FGF13: variants seen among roughly 807,000 people sequenced by gnomAD.
FGF13 encodes fibroblast growth factor 13.
FGF13 carries 2 observed loss-of-function variants against 19.5 expected under a neutral mutation model. That is an observed-to-expected ratio of 0.10 (90% confidence interval 0.04 to 0.32). The LOEUF (loss-of-function observed/expected upper bound fraction) is 0.32. FGF13 is among the 10% of genes least tolerant of loss of function. The pLI is 1.00. For synonymous variants in FGF13, 72 were observed against 76.9 expected (o/e 0.94, Z 0.33); for missense variants, 113 against 192.7 (o/e 0.59, Z 2.45).
At chrX:138,722,365 A>G (rs2090153281) in intron 1 of FGF13, among the ~76,000 whole-genome samples, 1 of 111,825 alleles carries the variant, frequency 8.9e-6, no homozygotes, top group Admixed American at 9.5e-5. Context: ...AATTGAATCC[A>G]AACTTGAATT....
chrX:139,034,910 T>A (rs1043463569), intron 1 of FGF13, among the ~76,000 whole-genome samples: 1 of 112,042 alleles, frequency 8.9e-6, no homozygotes, highest in Non-Finnish European at 1.9e-5. Context: ...AATGTTTTCA[T>A]AATAACAACA....
intron 1 of FGF13, among the ~76,000 whole-genome samples, chrX:139,124,221 T>C (rs2083698809): frequency 8.9e-6 from 1 of 112,713 alleles, no homozygotes; most frequent in African/African-American, 3.2e-5. Flanking sequence ...GTCAGTCTTG[T>C]CTGTTCAGTG....
intron 3 of FGF13, among the ~76,000 whole-genome samples, chrX:138,651,945 A>G (rs1328442385): frequency 9.0e-6 from 1 of 111,302 alleles, no homozygotes; most frequent in Non-Finnish European, 1.9e-5. Context: ...ATTAATTTAC[A>G]ATATAAAGCA....
At chrX:139,047,024 C>G (rs1342887787) in intron 1 of FGF13, among the ~76,000 whole-genome samples, 1 of 112,067 alleles carries the variant, frequency 8.9e-6, no homozygotes, top group African/African-American at 3.3e-5. Flanking sequence ...CAGCATTCTC[C>G]TGGTTCAATC....
intron 1 of FGF13, among the ~76,000 whole-genome samples, chrX:139,023,390 T>C (rs901501789): frequency 9.0e-6 from 1 of 111,147 alleles, no homozygotes; most frequent in Non-Finnish European, 1.9e-5. Flanking sequence ...AATGTATTCT[T>C]AGCTTGTAGG....
intron 1 of FGF13, among the ~76,000 whole-genome samples, chrX:139,186,748 C>T (rs2084286374): frequency 8.9e-6 from 1 of 111,880 alleles, no homozygotes; most frequent in African/African-American, 3.3e-5. Context: ...CTCTCTCTCT[C>T]CCTTCCTTCC....
intron 1 of FGF13, among the ~76,000 whole-genome samples, chrX:139,035,245 G>A (rs539112799): frequency 1.8e-5 from 2 of 111,509 alleles, no homozygotes; most frequent in Middle Eastern, 4.6e-3. Flanking sequence ...ATCCGGTACT[G>A]TATAACTGTT....
chrX:139,167,818 C>T (rs1457741237), intron 1 of FGF13, among the ~76,000 whole-genome samples: 5 of 112,194 alleles, frequency 4.5e-5, no homozygotes, highest in African/African-American at 1.3e-4. Context: ...ATGCCACATT[C>T]TGCTTTAAAA....
In FGF13 at chrX:138,626,857, T is replaced by A. The variant is rs2089067935; in HGVS notation, c.*5993A>T. 8.9e-6 allele frequency: 1 copy of A among 112,082 alleles called. No individual in the cohort carries two copies. The highest frequency in any genetic ancestry group is 3.7e-4 in the South Asian group (1 of 2,695). 9.2% of individuals were successfully genotyped at this position (112,082 alleles called of 1,213,427 possible). On this transcript the variant is annotated 3_prime_UTR_variant, in exon 5 of 5. Transcript: ENST00000315930. ...CTTAAGACCCATGAAAGTCAAATAT[T>A]GTTCAAGCTGTTTTATTCAGCTGTT...
chrX:138,851,838 G>C (rs1159869619), intron 3 of FGF13, among the ~76,000 whole-genome samples: 1 of 111,810 alleles, frequency 8.9e-6, no homozygotes, highest in South Asian at 3.7e-4. Flanking sequence ...CAGCCCAAAA[G>C]CTTCTTAAGC....
chrX:138,796,648 C>T (rs1194727704), intron 3 of FGF13, among the ~76,000 whole-genome samples: 2 of 111,989 alleles, frequency 1.8e-5, no homozygotes, highest in African/African-American at 6.5e-5. Flanking sequence ...AGTGGCCACA[C>T]TGTCTTCCAC....
At chrX:139,166,516 G>T (rs771855408) in intron 1 of FGF13, among the ~76,000 whole-genome samples, 6 of 111,554 alleles carry the variant, frequency 5.4e-5, no homozygotes, top group Non-Finnish European at 7.5e-5. Context: ...AGGCTTTAAG[G>T]CTATTTGGAT....
rs191234627 is a variant in FGF13 at position 138,867,619 on chromosome X, T to A, written c.-112-2969A>T. On this transcript the variant is annotated intron_variant, in intron 1 of 2. Coordinates refer to the FGF13 transcript ENST00000421460. ...GCTTTTCCCCTATAAAACCATCAGA[T>A]CTTCTGAGACTTATTCACTACCACA... Among the ~76,000 whole-genome samples, 347 of 110,629 alleles carry A rather than the reference T, an allele frequency of 3.1e-3. 1 individual carries two copies. The highest frequency in any genetic ancestry group is 4.6e-3 in the Non-Finnish European group (242 of 52,853).
At chrX:138,784,327 A>C in intron 3 of FGF13, among the ~76,000 whole-genome samples, 1 of 107,430 alleles carries the variant, frequency 9.3e-6, no homozygotes, top group Middle Eastern at 4.8e-3. Flanking sequence ...ATAAAAAAAA[A>C]ATTAAAAAAA....
At chrX:138,922,725 G>A (rs2124245850) in intron 1 of FGF13, among the ~76,000 whole-genome samples, 1 of 111,815 alleles carries the variant, frequency 8.9e-6, no homozygotes, top group Admixed American at 9.5e-5. Flanking sequence ...TGATGGTTTT[G>A]CTTTTAAATA....
At chrX:138,758,669 T>A (rs951133382) in intron 3 of FGF13, among the ~76,000 whole-genome samples, 25 of 112,025 alleles carry the variant, frequency 2.2e-4, no homozygotes, top group Non-Finnish European at 4.7e-4. Context: ...TGAAGCTTTC[T>A]GGTCCCCCAG....
chrX:138,665,740 GAA>G (rs1410765487), intron 3 of FGF13, among the ~76,000 whole-genome samples: 1 of 110,843 alleles, frequency 9.0e-6, no homozygotes, highest in Non-Finnish European at 1.9e-5. Flanking sequence ...TTTTTGAAAA[GAA>G]AAGAGAAAGC....
chrX:138,698,863 T>C (rs1393436836), intron 3 of FGF13, among the ~76,000 whole-genome samples: 1 of 111,868 alleles, frequency 8.9e-6, no homozygotes, highest in Admixed American at 9.5e-5. Flanking sequence ...GTTGCAACTA[T>C]TCAACTCTGC....
downstream of FGF13, among the ~76,000 whole-genome samples, chrX:138,855,460 T>A (rs1445513827): frequency 8.9e-6 from 1 of 111,740 alleles, no homozygotes. Context: ...TACAAATCAT[T>A]CATAAGAATA....
Sources: allele counts gnomAD v4.1 joint callset (sites outside exome capture counted in the v4.1 genomes callset), GRCh38; gene constraint gnomAD v4.1.1; transcripts MANE v1.5; gene names NCBI Gene and HGNC (gene_info 2026-07-23, HGNC 2026-07-21).